Variants in CSTPP1 observed in about 807,000 individuals in gnomAD.
CSTPP1 encodes the protein UPF0705 protein C11orf49.
the CSTPP1 span, among the ~76,000 whole-genome samples, chr11:47,139,964 G>A: frequency 6.6e-6 from 1 of 152,114 alleles, no homozygotes; most frequent in African/African-American, 2.4e-5. Context: ...TGGCTGCACT[G>A]CACCAAGAAT....
the CSTPP1 span, among the ~76,000 whole-genome samples, chr11:47,035,904 C>T: frequency 6.7e-6 from 1 of 150,232 alleles, no homozygotes; most frequent in Non-Finnish European, 1.5e-5. Flanking sequence ...AGTTCAAATC[C>T]ATGCTGTTCA....
chr11:47,005,942 G>A, the CSTPP1 span, among the ~76,000 whole-genome samples: 3 of 151,940 alleles, frequency 2.0e-5, no homozygotes, highest in East Asian at 3.9e-4. Flanking sequence ...ACGTCTTAGC[G>A]TTCTAGATAC....
At chr11:46,990,660 T>C in the CSTPP1 span, among the ~76,000 whole-genome samples, 1 of 152,206 alleles carries the variant, frequency 6.6e-6, no homozygotes, top group African/African-American at 2.4e-5. Flanking sequence ...GTTTTTGTTT[T>C]TGTTGCAATT....
the CSTPP1 span, among the ~76,000 whole-genome samples, chr11:46,950,615 CTTTTTTCT>C: frequency 6.6e-6 from 1 of 150,394 alleles, no homozygotes; most frequent in South Asian, 2.1e-4. Context: ...TTCTTTTTTC[CTTTTTTCT>C]TTTTTTGAGG....
chr11:46,992,971 C>CA, the CSTPP1 span, among the ~76,000 whole-genome samples: 2 of 138,010 alleles, frequency 1.4e-5, no homozygotes, highest in African/African-American at 3.6e-5. Context: ...TTTTGATTTG[C>CA]GTTCTCTGAT....
At chr11:47,015,468 G>A in the CSTPP1 span, among the ~76,000 whole-genome samples, 6 of 151,684 alleles carry the variant, frequency 4.0e-5, no homozygotes, top group South Asian at 2.1e-4. Context: ...GCAAGACTCC[G>A]TCTCAAAAAC....
chr11:47,036,345 T>C, the CSTPP1 span, among the ~76,000 whole-genome samples: 2 of 97,370 alleles, frequency 2.1e-5, no homozygotes, highest in African/African-American at 6.1e-5. Context: ...TGAAGCAAAT[T>C]GTATTTCAAA....
the CSTPP1 span, among the ~76,000 whole-genome samples, chr11:47,153,856 G>T: frequency 8.6e-4 from 131 of 152,270 alleles, no homozygotes; most frequent in African/African-American, 3.0e-3. Flanking sequence ...GCTTTCTCTG[G>T]GGCTGATCCA....
At chr11:46,942,065 C>G in the CSTPP1 span, among the ~76,000 whole-genome samples, 7 of 152,212 alleles carry the variant, frequency 4.6e-5, no homozygotes, top group African/African-American at 1.7e-4. Flanking sequence ...TCCCCACTGA[C>G]TTTGTAGATT....
chr11:47,148,765 A>G, the CSTPP1 span, among the ~76,000 whole-genome samples: 7 of 152,180 alleles, frequency 4.6e-5, no homozygotes, highest in African/African-American at 1.7e-4. Flanking sequence ...GACTCTCCAC[A>G]AGAATCCTGG....
the CSTPP1 span, among the ~76,000 whole-genome samples, chr11:47,023,833 C>A: frequency 6.6e-6 from 1 of 152,188 alleles, no homozygotes; most frequent in African/African-American, 2.4e-5. Flanking sequence ...GTATGTATCA[C>A]ATTTTGCTTA....
the CSTPP1 span, among the ~76,000 whole-genome samples, chr11:47,133,460 C>T: frequency 6.6e-6 from 1 of 152,226 alleles, no homozygotes; most frequent in African/African-American, 2.4e-5. Context: ...CTCCCCTGCA[C>T]CTGCCAGGTA....
At chr11:46,951,874 ATT>A in the CSTPP1 span, among the ~76,000 whole-genome samples, 1 of 152,168 alleles carries the variant, frequency 6.6e-6, no homozygotes, top group Admixed American at 6.5e-5. Flanking sequence ...ATAGCTATTA[ATT>A]AATAAGAAGA....
At chr11:47,118,896 T>C in the CSTPP1 span, among the ~76,000 whole-genome samples, 1 of 152,222 alleles carries the variant, frequency 6.6e-6, no homozygotes, top group Non-Finnish European at 1.5e-5. Flanking sequence ...TGTCTCCCAA[T>C]TAGGCTTCAT....
At chr11:46,957,223 A>G in the CSTPP1 span, among the ~76,000 whole-genome samples, 1 of 152,084 alleles carries the variant, frequency 6.6e-6, no homozygotes, top group African/African-American at 2.4e-5. Context: ...TAAATCCTTC[A>G]TCTTTATCAT....
At chr11:47,037,843 C>A in the CSTPP1 span, among the ~76,000 whole-genome samples, 1 of 128,056 alleles carries the variant, frequency 7.8e-6, no homozygotes, top group Admixed American at 8.3e-5. Flanking sequence ...ACCCTTCCCC[C>A]CTTTCTATTC....
chr11:47,022,444 ACT>A, the CSTPP1 span, among the ~76,000 whole-genome samples: 1 of 121,534 alleles, frequency 8.2e-6, no homozygotes, highest in Non-Finnish European at 1.6e-5. Context: ...ATCTCGGTTC[ACT>A]GCAACCTCTG....
At chr11:46,976,593 T>C in the CSTPP1 span, among the ~76,000 whole-genome samples, 1 of 152,196 alleles carries the variant, frequency 6.6e-6, no homozygotes, top group East Asian at 1.9e-4. Context: ...TAAATGGTGG[T>C]TGTGAAAATT....
the CSTPP1 span, among the ~76,000 whole-genome samples, chr11:47,023,673 A>G: frequency 4.6e-5 from 7 of 151,964 alleles, no homozygotes; most frequent in Middle Eastern, 3.4e-3. Flanking sequence ...GAATTTGACT[A>G]CTCTAGGTAC....
Sources: allele counts gnomAD v4.1 joint callset (sites outside exome capture counted in the v4.1 genomes callset), GRCh38; gene constraint gnomAD v4.1.1; transcripts MANE v1.5; gene names NCBI Gene and HGNC (gene_info 2026-07-23, HGNC 2026-07-21).